MGST1: variants seen among roughly 807,000 people sequenced by gnomAD.
MGST1 encodes microsomal glutathione S-transferase 1.
A neutral mutation model predicts 8.9 loss-of-function variants in MGST1; 5 were observed. The ratio of observed to expected loss-of-function variants is 0.56; its 90% CI spans 0.29 to 1.19. MGST1 has a LOEUF of 1.19. Ranked by LOEUF, MGST1 falls within the 50% of genes most tolerant of loss-of-function variation. The pLI is 0.08. For missense variants in MGST1, 182 were observed against 187.4 expected (o/e 0.97, Z 0.17); for synonymous variants, 54 against 67.8 (o/e 0.80, Z 1.00).
intron 4 of MGST1, among the ~76,000 whole-genome samples, chr12:16,452,978 A>G (rs1941142274): frequency 6.6e-6 from 1 of 151,918 alleles, no homozygotes; most frequent in South Asian, 2.1e-4. Context: ...GCCAACATAT[A>G]TTTTCTTAAA....
At chr12:16,580,709 G>C (rs1302724887) in intron 4 of MGST1, among the ~76,000 whole-genome samples, 1 of 152,138 alleles carries the variant, frequency 6.6e-6, no homozygotes, top group Non-Finnish European at 1.5e-5. Flanking sequence ...GGTAGAAAAA[G>C]ATTTGGAATG....
intron 1 of MGST1, among the ~76,000 whole-genome samples, chr12:16,424,783 C>G (rs1324197897): frequency 1.3e-5 from 2 of 152,192 alleles, no homozygotes; most frequent in Non-Finnish European, 2.9e-5. Context: ...TCCCCACCAT[C>G]ATTAAAATGA....
rs545166501 is a variant in MGST1 at position 16,362,323 on chromosome 12, G to A, written c.222-1472G>A. On this transcript the variant is annotated intron_variant, in intron 3 of 3. Coordinates refer to ENST00000396210, the MANE Select transcript of MGST1 (RefSeq NM_020300.5). The surrounding 1 kb of genome is among the most constrained non-coding windows in gnomAD (Gnocchi z 4.4). ...CCTCTCTTTGCTTTTATTCTGTATTGAAGCCTTTTCAAATCATTACTTAGC... is the reference window on the plus strand; with the variant it reads ...CCTCTCTTTGCTTTTATTCTGTATTAAAGCCTTTTCAAATCATTACTTAGC... Among the ~76,000 whole-genome samples the A allele has an allele frequency of 6.6e-6, 1 of 151,406 alleles. No homozygotes were observed. Among genetic ancestry groups the A allele is most frequent in the South Asian group, 2.1e-4 (1 of 4,812 alleles).
At chr12:16,459,394 C>G (rs1406366604) in intron 4 of MGST1, among the ~76,000 whole-genome samples, 4 of 152,024 alleles carry the variant, frequency 2.6e-5, no homozygotes, top group African/African-American at 7.2e-5. Context: ...GAATCAAGAA[C>G]CTTTCCATTC....
At chr12:16,553,288 T>C (rs1167152962) in intron 4 of MGST1, among the ~76,000 whole-genome samples, 1 of 152,080 alleles carries the variant, frequency 6.6e-6, no homozygotes, top group African/African-American at 2.4e-5. Context: ...ACCCAGGCCT[T>C]TTTGGATTCA....
chr12:16,415,185 C>A (rs915934656), intron 1 of MGST1, among the ~76,000 whole-genome samples: 8 of 152,202 alleles, frequency 5.3e-5, no homozygotes, highest in African/African-American at 1.9e-4. Context: ...TTATACTACT[C>A]TTCCTACATT....
rs560887026 is a variant in MGST1 at position 16,350,590 on chromosome 12, T to C, written c.-23+2880T>C. ...GTTGTGGCTGCAGAGCCAACCATGA[T>C]AATGGCTGCAGTTTTGTGCAGCAAA... On this transcript the variant is annotated intron_variant, in intron 1 of 3. Transcript: ENST00000396210. Among the ~76,000 whole-genome samples the C allele has an allele frequency of 2.0e-5, 3 of 152,326 alleles. No individual in the cohort carries two copies. In the East Asian group the frequency reaches 5.8e-4, roughly 29 times the overall value.
chr12:16,399,658 G>A, intron 1 of MGST1: 1 of 1,569,708 alleles, frequency 6.4e-7, no homozygotes, highest in Non-Finnish European at 8.8e-7. Context: ...TCAGGCTCCA[G>A]AAAAGACCAG....
intron 4 of MGST1, among the ~76,000 whole-genome samples, chr12:16,505,334 A>G (rs1353419042): frequency 6.6e-6 from 1 of 152,206 alleles, no homozygotes; most frequent in Non-Finnish European, 1.5e-5. Context: ...ATCCATAGAC[A>G]ACCTGCTCCA....
At position 16,482,634 on chromosome 12, in the gene MGST1, G is replaced by A. The variant is rs1263142327; in HGVS notation, n.482+99030G>A. On this transcript the variant is annotated intron_variant and non_coding_transcript_variant, in intron 4 of 4. Transcript: ENST00000538857. This position sits in a 1 kb window ranked among gnomAD's most constrained non-coding sequence, Gnocchi z 4.2. ...TTACAGAGCAAGACTCTGTCTGGAA[G>A]AAAAAAAAAAAAGAGTGAGAACATG... 3.6e-4 allele frequency among the ~76,000 whole-genome samples: 52 copies of A among 146,000 alleles called. No individual in the cohort carries two copies. Among genetic ancestry groups the A allele is most frequent in the African/African-American group, 2.6e-4 (10 of 38,974 alleles).
At chr12:16,365,695 G>A (rs982851474), downstream of MGST1, among the ~76,000 whole-genome samples, 4 of 152,098 alleles carry the variant, frequency 2.6e-5, no homozygotes, top group Non-Finnish European at 5.9e-5. Context: ...GGAAAAGTCC[G>A]AAACCCATGA....
intron 4 of MGST1, among the ~76,000 whole-genome samples, chr12:16,530,312 G>GA (rs1941714324): frequency 6.6e-6 from 1 of 151,892 alleles, no homozygotes; most frequent in African/African-American, 2.4e-5. Context: ...AAGGGTCTTT[G>GA]TTTTTTTAAA....
chr12:16,473,465 T>G, intron 4 of MGST1, among the ~76,000 whole-genome samples: 1 of 152,220 alleles, frequency 6.6e-6, no homozygotes, highest in Non-Finnish European at 1.5e-5. Flanking sequence ...TATACATGGT[T>G]TACTATGAAT....
chr12:16,532,221 G>T (rs373195227), intron 4 of MGST1, among the ~76,000 whole-genome samples: 2 of 152,030 alleles, frequency 1.3e-5, no homozygotes, highest in Admixed American at 6.6e-5. Flanking sequence ...AGCCTCTTGC[G>T]GGGGGAGAAA....
At chr12:16,514,397 G>C (rs1233485702) in intron 4 of MGST1, 2 of 278,606 alleles carry the variant, frequency 7.2e-6, no homozygotes, top group African/African-American at 2.2e-5. Context: ...GAAAACAATG[G>C]TTGCAAGAAG....
chr12:16,386,787 A>T (rs959543859), intron 1 of MGST1, among the ~76,000 whole-genome samples: 3 of 152,310 alleles, frequency 2.0e-5, no homozygotes, highest in South Asian at 2.1e-4. Flanking sequence ...TCCAGAAATA[A>T]GCAACTCGTA....
At chr12:16,402,540 A>G in intron 1 of MGST1, 1 of 821,556 alleles carries the variant, frequency 1.2e-6, no homozygotes, top group South Asian at 1.7e-5. Context: ...ATAAGCTACT[A>G]ACACTTCTTA....
At chr12:16,536,180 T>G (rs532765294) in intron 4 of MGST1, among the ~76,000 whole-genome samples, 133 of 152,098 alleles carry the variant, frequency 8.7e-4, no homozygotes, top group Non-Finnish European at 1.6e-3. Context: ...GCTGTTTCTC[T>G]TATTAGGAAG....
chr12:16,541,074 T>C (rs1591755373), intron 4 of MGST1, among the ~76,000 whole-genome samples: 2 of 152,202 alleles, frequency 1.3e-5, no homozygotes, highest in African/African-American at 2.4e-5. Flanking sequence ...AGACTGTTTA[T>C]TTCTTCATGT....
Sources: gnomAD v4.1 joint callset for allele counts (sites outside exome capture counted in the v4.1 genomes callset) on GRCh38, gnomAD v4.1.1 for gene constraint, Gnocchi (gnomAD v3.1) non-coding constraint, MANE v1.5 for transcripts, NCBI Gene and HGNC (gene_info 2026-07-23, HGNC 2026-07-21) for gene names.